ARHGAP18: variants seen among roughly 807,000 people sequenced by gnomAD.
The protein encoded by ARHGAP18 is Rho GTPase activating protein 18.
Under a neutral mutation model 86.2 loss-of-function variants are expected in ARHGAP18, and 67 were observed. That is an observed-to-expected ratio of 0.78 (90% confidence interval 0.64 to 0.95). The LOEUF is 0.95. Among genes scored for constraint, ARHGAP18 ranks in the 40% least tolerant of loss-of-function variants. The pLI is 0.00. For missense variants in ARHGAP18, 691 were observed against 780.4 expected (o/e 0.89, Z 1.37); for synonymous variants, 283 against 280.4 (o/e 1.01, Z -0.09).
At chr6:129,668,764 G>A (rs1774092255) in intron 1 of ARHGAP18, among the ~76,000 whole-genome samples, 1 of 152,016 alleles carries the variant, frequency 6.6e-6, no homozygotes, top group Non-Finnish European at 1.5e-5. Flanking sequence ...ATCTCTAAAC[G>A]TCTACCATGT....
At chr6:129,613,024 G>A (rs1012950542) in intron 7 of ARHGAP18, among the ~76,000 whole-genome samples, 1 of 152,036 alleles carries the variant, frequency 6.6e-6, no homozygotes, top group Non-Finnish European at 1.5e-5. Context: ...ACAAGGTCAG[G>A]AGATCGAGAC....
intron 4 of ARHGAP18, among the ~76,000 whole-genome samples, chr6:129,630,214 T>A (rs1396867730): frequency 6.6e-6 from 1 of 152,220 alleles, no homozygotes; most frequent in African/African-American, 2.4e-5. Context: ...AAGGATATAG[T>A]AAGTTTAACT....
intron 1 of ARHGAP18, among the ~76,000 whole-genome samples, chr6:129,644,934 T>C (rs941763118): frequency 2.0e-5 from 3 of 152,226 alleles, no homozygotes; most frequent in Non-Finnish European, 4.4e-5. Context: ...TTTAATAAGA[T>C]TCAGAAGCTG....
intron 8 of ARHGAP18, among the ~76,000 whole-genome samples, chr6:129,610,762 G>A (rs1209501770): frequency 6.6e-6 from 1 of 152,082 alleles, no homozygotes; most frequent in Non-Finnish European, 1.5e-5. Context: ...TGAGTAGCTG[G>A]GATTACAGGT....
chr6:129,625,639 A>G (rs186061182), intron 5 of ARHGAP18, among the ~76,000 whole-genome samples: 4,267 of 72,724 alleles, frequency 0.059, 551 homozygotes, highest in Non-Finnish European at 0.077. Context: ...ATATATTTAT[A>G]TTATATATTT....
chr6:129,698,860 TTTTTTTA>T (rs1433502180), intron 1 of ARHGAP18, among the ~76,000 whole-genome samples: 4 of 152,046 alleles, frequency 2.6e-5, no homozygotes, highest in Non-Finnish European at 5.9e-5. Flanking sequence ...GCCAGACTAA[TTTTTTTA>T]TTTTTAGTAG....
intron 7 of ARHGAP18, among the ~76,000 whole-genome samples, chr6:129,613,452 G>A (rs925437751): frequency 7.9e-5 from 12 of 152,086 alleles, no homozygotes; most frequent in Non-Finnish European, 1.5e-4. Context: ...TGTTTAAAAT[G>A]TTTCTAGTCC....
chr6:129,686,788 C>CTTTT (rs553951472), intron 1 of ARHGAP18, among the ~76,000 whole-genome samples: 19 of 117,486 alleles, frequency 1.6e-4, no homozygotes, highest in Non-Finnish European at 2.3e-4. Flanking sequence ...CTAATAAAAC[C>CTTTT]TTTTTTTTTT....
At chr6:129,674,732 G>T (rs182439642) in intron 1 of ARHGAP18, among the ~76,000 whole-genome samples, 1 of 152,074 alleles carries the variant, frequency 6.6e-6, no homozygotes, top group East Asian at 1.9e-4. Context: ...GTGAATTTTG[G>T]TGTCCTCAGG....
At chr6:129,688,779 T>A (rs1774476695) in intron 1 of ARHGAP18, among the ~76,000 whole-genome samples, 1 of 139,604 alleles carries the variant, frequency 7.2e-6, no homozygotes, top group South Asian at 2.5e-4. Context: ...GCAACAAGAA[T>A]GAAACTCCAA....
At chr6:129,591,326 C>T (rs1435679621) in intron 12 of ARHGAP18, among the ~76,000 whole-genome samples, 2 of 152,142 alleles carry the variant, frequency 1.3e-5, no homozygotes, top group African/African-American at 4.8e-5. Flanking sequence ...CACTCTGTCT[C>T]CTGCTTTTTT....
chr6:129,682,131 C>G (rs1056302895), intron 1 of ARHGAP18, among the ~76,000 whole-genome samples: 1 of 152,170 alleles, frequency 6.6e-6, no homozygotes, highest in South Asian at 2.1e-4. Context: ...GCAGATATTA[C>G]GTCAATCCCC....
At chr6:129,675,145 G>C (rs1186178718) in intron 1 of ARHGAP18, among the ~76,000 whole-genome samples, 1 of 152,178 alleles carries the variant, frequency 6.6e-6, no homozygotes, top group Non-Finnish European at 1.5e-5. Context: ...AGAAGGACAA[G>C]TGGTGAAATA....
intron 1 of ARHGAP18, among the ~76,000 whole-genome samples, chr6:129,660,903 T>A (rs1773936660): frequency 6.6e-6 from 1 of 151,778 alleles, no homozygotes. Flanking sequence ...TATGCATGTT[T>A]GGAATTGAAA....
At position 129,633,248 on chromosome 6, in the gene ARHGAP18, T is replaced by C. The variant is rs572706874; in HGVS notation, c.616+794A>G. 3.5e-5 allele frequency among the ~76,000 whole-genome samples: 5 copies of C among 142,800 alleles called. No individual in the cohort carries two copies. The South Asian group carries it at 1.1e-3, about 32-fold the overall frequency. The allele number at this position is 142,800 out of a possible 152,430, so 93.7% of individuals were successfully genotyped here. On this transcript the variant is annotated intron_variant, in intron 4 of 14. Transcript: ENST00000368149. ...TTCAAGACCAGCCTCGCCAACATGG[T>C]GAAACCCTGTCTCTACTTAAAAAAA...
chr6:129,629,271 G>A, intron 5 of ARHGAP18, 82 bp downstream of exon 5: 1 of 1,163,782 alleles, frequency 8.6e-7, no homozygotes. Context: ...ATGTGTGTGT[G>A]CGTGTGTGTG....
intron 10 of ARHGAP18, 59 bp from the exon 11 acceptor site, chr6:129,600,907 A>G: frequency 1.4e-6 from 2 of 1,410,572 alleles, no homozygotes; most frequent in Admixed American, 2.0e-5. Context: ...AGATTAAAGC[A>G]CTGTAGCATA....
At chr6:129,583,916 C>A (rs2114427845) in intron 13 of ARHGAP18, 72 bp downstream of exon 13, 2 of 1,512,528 alleles carry the variant, frequency 1.3e-6, no homozygotes, top group African/African-American at 2.8e-5. Context: ...GAAGAAGAAG[C>A]AGCAGCGAAG....
chr6:129,656,053 G>C (rs1773828334), intron 1 of ARHGAP18, among the ~76,000 whole-genome samples: 1 of 152,212 alleles, frequency 6.6e-6, no homozygotes, highest in Non-Finnish European at 1.5e-5. Context: ...GTTCTTGCTT[G>C]TTAATAATAA....
Sources: gnomAD v4.1 joint callset for allele counts (sites outside exome capture counted in the v4.1 genomes callset) on GRCh38, gnomAD v4.1.1 for gene constraint, MANE v1.5 for transcripts, NCBI Gene and HGNC (gene_info 2026-07-23, HGNC 2026-07-21) for gene names.